XNDC1N: variants seen among roughly 807,000 people sequenced by gnomAD.
XNDC1N encodes the protein XRCC1 N-terminal domain containing 1, N-terminal like.
the XNDC1N span, chr11:71,893,619 C>G: frequency 0.022 from 23,525 of 1,069,444 alleles, 328 homozygotes; most frequent in Middle Eastern, 0.041. Context: ...TGGCTGTCAG[C>G]TCTGACTCCC....
the XNDC1N span, among the ~76,000 whole-genome samples, chr11:71,926,515 C>G: frequency 6.6e-6 from 1 of 152,140 alleles, no homozygotes; most frequent in Non-Finnish European, 1.5e-5. Flanking sequence ...ATGATTCTGT[C>G]AGAAACAATA....
chr11:71,909,269 T>C, the XNDC1N span, among the ~76,000 whole-genome samples: 1 of 151,014 alleles, frequency 6.6e-6, no homozygotes, highest in Non-Finnish European at 1.5e-5. Context: ...GCAAAGAGAA[T>C]GGAGGTCAGG....
chr11:71,889,357 T>C, the XNDC1N span, among the ~76,000 whole-genome samples: 1 of 152,230 alleles, frequency 6.6e-6, no homozygotes, highest in Non-Finnish European at 1.5e-5. Flanking sequence ...TCCACCTGGC[T>C]GGGTTTGCGG....
At chr11:71,868,801 T>C in the XNDC1N span, among the ~76,000 whole-genome samples, 1 of 152,194 alleles carries the variant, frequency 6.6e-6, no homozygotes. Context: ...GTTCTCTGCA[T>C]TTCCTAAATT....
At chr11:71,866,906 C>T in the XNDC1N span, among the ~76,000 whole-genome samples, 8 of 152,044 alleles carry the variant, frequency 5.3e-5, no homozygotes, top group Admixed American at 4.6e-4. Flanking sequence ...ATAGAGTTTC[C>T]AAATAAATGG....
At chr11:71,910,863 G>A in the XNDC1N span, among the ~76,000 whole-genome samples, 85 of 152,324 alleles carry the variant, frequency 5.6e-4, no homozygotes, top group African/African-American at 1.9e-3. Flanking sequence ...TCACCAAGGG[G>A]ACAGGGACCG....
the XNDC1N span, chr11:71,917,509 C>A: frequency 1.1e-5 from 8 of 697,318 alleles, no homozygotes; most frequent in Non-Finnish European, 2.1e-5. Flanking sequence ...TAAACCCCTG[C>A]ACAGGCTCCC....
At chr11:71,868,173 G>A in the XNDC1N span, among the ~76,000 whole-genome samples, 4 of 152,170 alleles carry the variant, frequency 2.6e-5, no homozygotes, top group African/African-American at 9.7e-5. Flanking sequence ...GAGCCTATGA[G>A]TGATGGGCTT....
At chr11:71,873,483 G>A in the XNDC1N span, among the ~76,000 whole-genome samples, 5 of 152,106 alleles carry the variant, frequency 3.3e-5, no homozygotes, top group Non-Finnish European at 7.3e-5. Flanking sequence ...TGCCCTTTTC[G>A]ATATCAATTT....
At chr11:71,906,071 T>C in the XNDC1N span, among the ~76,000 whole-genome samples, 1 of 151,860 alleles carries the variant, frequency 6.6e-6, no homozygotes, top group Admixed American at 6.6e-5. Context: ...ACACGCATTG[T>C]GACATTAGTA....
At chr11:71,877,804 A>G in the XNDC1N span, among the ~76,000 whole-genome samples, 1 of 152,132 alleles carries the variant, frequency 6.6e-6, no homozygotes, top group African/African-American at 2.4e-5. Context: ...TTCTTTGTAT[A>G]TATTATTTGC....
At chr11:71,911,943 G>C in the XNDC1N span, among the ~76,000 whole-genome samples, 4,926 of 152,266 alleles carry the variant, frequency 0.032, 78 homozygotes, top group East Asian at 0.076. Flanking sequence ...AGGACTTTCT[G>C]CAGGTAGAGG....
chr11:71,914,218 T>C, the XNDC1N span: 1 of 451,512 alleles, frequency 2.2e-6, no homozygotes. Context: ...GGAAAGTAAA[T>C]TAAAACCTTC....
the XNDC1N span, among the ~76,000 whole-genome samples, chr11:71,871,008 C>T: frequency 6.6e-6 from 1 of 152,108 alleles, no homozygotes; most frequent in African/African-American, 2.4e-5. Flanking sequence ...TTACATATGA[C>T]CTAGCAATCT....
chr11:71,875,146 A>G, the XNDC1N span, among the ~76,000 whole-genome samples: 16,121 of 152,174 alleles, frequency 0.11, 1,611 homozygotes, highest in African/African-American at 0.25. Flanking sequence ...TATATTATGA[A>G]ATATCCATAA....
chr11:71,870,383 C>T, the XNDC1N span, among the ~76,000 whole-genome samples: 3 of 152,164 alleles, frequency 2.0e-5, no homozygotes, highest in African/African-American at 7.2e-5. Context: ...TGCCCTAATC[C>T]TGGGAAGCTG....
the XNDC1N span, among the ~76,000 whole-genome samples, chr11:71,921,796 CT>C: frequency 6.6e-6 from 1 of 152,114 alleles, no homozygotes. Context: ...AGAAGTGGAT[CT>C]CTAAAGAGTA....
the XNDC1N span, chr11:71,914,497 G>A: frequency 1.0e-5 from 4 of 398,304 alleles, no homozygotes; most frequent in Non-Finnish European, 5.0e-6. Flanking sequence ...GACCAGCCTG[G>A]TCAACATGGT....
the XNDC1N span, among the ~76,000 whole-genome samples, chr11:71,895,105 A>C: frequency 9.6e-6 from 1 of 104,328 alleles, no homozygotes; most frequent in South Asian, 3.9e-4. Context: ...CACCTGTGTG[A>C]GTGTGTGGAT....
Sources: allele counts gnomAD v4.1 joint callset (sites outside exome capture counted in the v4.1 genomes callset), GRCh38; gene constraint gnomAD v4.1.1; transcripts MANE v1.5; gene names NCBI Gene and HGNC (gene_info 2026-07-23, HGNC 2026-07-21).